Variants in ANK2 observed in about 807,000 individuals in gnomAD.
ANK2 encodes ankyrin 2.
Under a neutral mutation model 360.5 loss-of-function variants are expected in ANK2, and 83 were observed. The observed-to-expected ratio is 0.23, with a 90% CI of 0.19 to 0.28. The LOEUF (loss-of-function observed/expected upper bound fraction) is 0.28. ANK2 is among the 10% of genes least tolerant of loss of function. The pLI is 1.00. For synonymous variants in ANK2, 1,740 were observed against 1,759.5 expected, an observed-to-expected ratio of 0.99 and a Z score of 0.28; for missense variants, 4,201 against 4,795.7, an observed-to-expected ratio of 0.88 and a Z score of 3.66.
chr4:112,782,222 G>A, the ANK2 span, among the ~76,000 whole-genome samples: 1 of 151,974 alleles, frequency 6.6e-6, no homozygotes, highest in Non-Finnish European at 1.5e-5. Context: ...TCTCATATGT[G>A]TTTCTGGAAA....
chr4:113,132,875 G>A (rs2096142475), intron 1 of ANK2, among the ~76,000 whole-genome samples: 2 of 152,120 alleles, frequency 1.3e-5, no homozygotes, highest in South Asian at 4.1e-4. Context: ...TGCTGATATT[G>A]ATTATGGGAC....
At chr4:113,090,186 C>T (rs2087119551) in intron 1 of ANK2, among the ~76,000 whole-genome samples, 1 of 152,188 alleles carries the variant, frequency 6.6e-6, no homozygotes. Flanking sequence ...TCAGTTAAAT[C>T]TCTTTCTAAG....
At chr4:113,312,524 C>A (rs2080609956) in intron 24 of ANK2, among the ~76,000 whole-genome samples, 1 of 150,560 alleles carries the variant, frequency 6.6e-6, no homozygotes, top group African/African-American at 2.4e-5. Context: ...TTTTCTTTAG[C>A]AAGATAGGCT....
chr4:113,244,666 A>G (rs1456626878), intron 9 of ANK2, among the ~76,000 whole-genome samples: 1 of 152,166 alleles, frequency 6.6e-6, no homozygotes, highest in Non-Finnish European at 1.5e-5. Flanking sequence ...TATGCAGAAC[A>G]TACAGGTTTG....
chr4:113,236,565 A>G (rs2099385691), intron 5 of ANK2, among the ~76,000 whole-genome samples: 1 of 152,138 alleles, frequency 6.6e-6, no homozygotes, highest in Non-Finnish European at 1.5e-5. Context: ...TGCATAGTCA[A>G]TCATATATTT....
At chr4:112,750,888 C>T in the ANK2 span, among the ~76,000 whole-genome samples, 1 of 152,074 alleles carries the variant, frequency 6.6e-6, no homozygotes, top group African/African-American at 2.4e-5. Context: ...CCACCATGCC[C>T]AGCTAATTTT....
intron 2 of ANK2, among the ~76,000 whole-genome samples, chr4:112,947,806 G>A (rs1256744241): frequency 1.3e-5 from 2 of 152,184 alleles, no homozygotes; most frequent in Non-Finnish European, 2.9e-5. Context: ...ACCTAAGCAT[G>A]CATGCAGTGA....
intron 1 of ANK2, among the ~76,000 whole-genome samples, chr4:112,825,032 CT>C: frequency 6.6e-6 from 1 of 152,222 alleles, no homozygotes; most frequent in Middle Eastern, 3.4e-3. Context: ...AGTTCATGTC[CT>C]TTGTAGGTAC....
rs553612249 is a variant in ANK2 at position 112,959,279 on chromosome 4, G to T, written c.21+54765G>T. ...GGTTATCTTGTTGGGGAAAAAAAAA[G>T]ATTGAAAATGCAGAGTGGAACCTTA... On this transcript the variant is annotated intron_variant, in intron 2 of 30. Coordinates refer to the ANK2 transcript ENST00000503271. 2.1e-4 allele frequency among the ~76,000 whole-genome samples: 32 copies of T among 152,206 alleles called. No individual in the cohort carries two copies. In the South Asian group the frequency reaches 6.7e-3, roughly 32 times the overall value.
intron 2 of ANK2, among the ~76,000 whole-genome samples, chr4:112,986,973 C>T (rs565602851): frequency 1.3e-5 from 2 of 152,176 alleles, no homozygotes; most frequent in African/African-American, 4.8e-5. Context: ...TTCCCTAGGC[C>T]ACATTGGAAG....
At chr4:113,154,930 C>T (rs1174407165) in intron 1 of ANK2, among the ~76,000 whole-genome samples, 2 of 152,334 alleles carry the variant, frequency 1.3e-5, no homozygotes, top group Middle Eastern at 3.4e-3. Flanking sequence ...CCTGGCCCAT[C>T]TTGGTCTTAA....
chr4:112,764,191 CAT>C, the ANK2 span, among the ~76,000 whole-genome samples: 1 of 152,102 alleles, frequency 6.6e-6, no homozygotes, highest in East Asian at 1.9e-4. Context: ...GATCCGCCTG[CAT>C]CGGCCTCCTA....
the ANK2 span, among the ~76,000 whole-genome samples, chr4:112,739,472 G>T: frequency 6.6e-6 from 1 of 152,044 alleles, no homozygotes; most frequent in Non-Finnish European, 1.5e-5. Flanking sequence ...AAATTAGCCC[G>T]GCGTGGTGGC....
intron 2 of ANK2, among the ~76,000 whole-genome samples, chr4:112,944,944 G>A (rs1308463600): frequency 6.6e-6 from 1 of 152,248 alleles, no homozygotes; most frequent in Non-Finnish European, 1.5e-5. Context: ...GACCAAGAGT[G>A]TGATAGGCAA....
chr4:113,029,257 G>C (rs2059898577), intron 2 of ANK2, among the ~76,000 whole-genome samples: 1 of 151,570 alleles, frequency 6.6e-6, no homozygotes, highest in Admixed American at 6.6e-5. Flanking sequence ...TTTTGTTTTG[G>C]AAACAGGGCA....
intron 2 of ANK2, among the ~76,000 whole-genome samples, chr4:113,180,646 T>C (rs958754782): frequency 7.9e-5 from 12 of 152,164 alleles, no homozygotes; most frequent in African/African-American, 2.9e-4. Flanking sequence ...GCCATTTGGG[T>C]TCATCTGGTT....
rs150536846 is a variant in ANK2, at chr4:113,156,371, C to CTTTTTTTTTTTTTTTTTT, written c.85-18035_85-18034insTTTTTTTTTTTTTTTTTT. Among the ~76,000 whole-genome samples the CTTTTTTTTTTTTTTTTTT allele has an allele frequency of 9.4e-4, 121 of 128,430 alleles. 7 individuals are homozygous for CTTTTTTTTTTTTTTTTTT. Among genetic ancestry groups the CTTTTTTTTTTTTTTTTTT allele is most frequent in the East Asian group, 4.0e-3 (18 of 4,544 alleles). The allele number at this position is 128,430 out of a possible 152,430, so 84.3% of individuals were successfully genotyped here. A position where few individuals can be genotyped will look rare whatever the true frequency, so the allele number is the denominator to read the frequency against. On this transcript the variant is annotated intron_variant, in intron 1 of 45. Transcript: ENST00000357077. ...CGTATAGAGTATATGTAGAAAAATTCTTTTTTTTTTGTTTTTGAGACAGAG... is the reference window on the plus strand; with the variant it reads ...CGTATAGAGTATATGTAGAAAAATTCTTTTTTTTTTTTTTTTTTTTTTTTTTTTGTTTTTGAGACAGAG...
intron 1 of ANK2, among the ~76,000 whole-genome samples, chr4:112,842,182 G>T (rs2062243741): frequency 1.3e-5 from 2 of 151,996 alleles, no homozygotes; most frequent in African/African-American, 4.8e-5. Flanking sequence ...GCTAATTTTT[G>T]TATTTTAGTA....
intron 2 of ANK2, among the ~76,000 whole-genome samples, chr4:112,931,794 A>G (rs1039320558): frequency 6.6e-5 from 10 of 152,154 alleles, no homozygotes; most frequent in Non-Finnish European, 1.3e-4. Context: ...ACCCCAATCC[A>G]GATGTCTCTA....
Sources: gnomAD v4.1 joint callset for allele counts (sites outside exome capture counted in the v4.1 genomes callset) on GRCh38, gnomAD v4.1.1 for gene constraint, MANE v1.5 for transcripts, NCBI Gene and HGNC (gene_info 2026-07-23, HGNC 2026-07-21) for gene names.